Variants in MGLL observed in about 807,000 individuals in gnomAD.
MGLL encodes the protein lysophospholipase homolog.
A neutral mutation model predicts 29.1 loss-of-function variants in MGLL; 7 were observed. The ratio of observed to expected loss-of-function variants is 0.24; its 90% CI spans 0.14 to 0.45. MGLL has a LOEUF of 0.45. Ranked by LOEUF, MGLL falls within the 20% of genes least tolerant of loss-of-function variation. The pLI, the probability that MGLL is intolerant of heterozygous loss-of-function variation, is 0.99. For synonymous variants in MGLL, 148 were observed against 168.3 expected, an observed-to-expected ratio of 0.88 and a Z score of 0.93; for missense variants, 356 against 413.6, an observed-to-expected ratio of 0.86 and a Z score of 1.21.
At chr3:127,797,899 A>G (rs909369173) in intron 2 of MGLL, among the ~76,000 whole-genome samples, 1 of 152,146 alleles carries the variant, frequency 6.6e-6, no homozygotes, top group Non-Finnish European at 1.5e-5. Flanking sequence ...TGGGCCCACC[A>G]TACCTGGCCC....
At chr3:127,699,448 T>C (rs1318535766) in intron 6 of MGLL, among the ~76,000 whole-genome samples, 3 of 152,214 alleles carry the variant, frequency 2.0e-5, no homozygotes, top group Non-Finnish European at 2.9e-5. Flanking sequence ...GACTCTTTAC[T>C]AGGTGCTGTA....
At chr3:127,742,062 A>T (rs1446877841) in intron 3 of MGLL, among the ~76,000 whole-genome samples, 1 of 152,218 alleles carries the variant, frequency 6.6e-6, no homozygotes, top group African/African-American at 2.4e-5. Context: ...AGATAAACTT[A>T]CCAAAATGGG....
At position 127,821,793 on chromosome 3, in the gene MGLL, C is replaced by T. The variant is rs750570429; in HGVS notation, c.56G>A (p.Arg19Gln). 1 of 1,614,048 alleles carries T rather than the reference C, an allele frequency of 6.2e-7. No individual in the cohort carries two copies. Among genetic ancestry groups the T allele is most frequent in the Non-Finnish European group, 8.5e-7 (1 of 1,179,972 alleles). Residue 19 changes from arginine to glutamine, a missense_variant, in exon 2 of 8, where the codon CGG becomes CAG. By Grantham distance (43) the Arg-to-Gln change is conservative. Transcript: ENST00000265052. ...SSMPEESSPR[R>Q]TPQSIPYQDL... ...CTGGTAGGGAATGCTCTGCGGGGTC[C>T]GCCTGGGGGAACTTTCCTCTGGCAT...
intron 1 of MGLL, 178 bp downstream of exon 1, chr3:127,822,131 C>A (rs2107766910): frequency 1.4e-6 from 1 of 729,174 alleles, no homozygotes; most frequent in East Asian, 2.8e-5. Context: ...ATCTTAAAGA[C>A]TATTTTAGCT....
At chr3:127,769,076 G>A (rs1293625145) in intron 3 of MGLL, among the ~76,000 whole-genome samples, 1 of 152,226 alleles carries the variant, frequency 6.6e-6, no homozygotes, top group African/African-American at 2.4e-5. Context: ...GTCAGGCCAG[G>A]AGCGGTGGCT....
chr3:127,806,792 C>T (rs980045175), intron 2 of MGLL, among the ~76,000 whole-genome samples: 2 of 151,986 alleles, frequency 1.3e-5, no homozygotes, highest in Admixed American at 6.6e-5. Flanking sequence ...TTTGGGAGGC[C>T]GAGGCGGGTG....
intron 2 of MGLL, among the ~76,000 whole-genome samples, chr3:127,818,927 A>C (rs372213725): frequency 9.2e-5 from 14 of 152,214 alleles, no homozygotes; most frequent in African/African-American, 3.1e-4. Flanking sequence ...GCCATGCCTT[A>C]AGTATAAGAT....
At chr3:127,762,313 G>C (rs2076779601) in intron 3 of MGLL, among the ~76,000 whole-genome samples, 1 of 152,056 alleles carries the variant, frequency 6.6e-6, no homozygotes, top group Non-Finnish European at 1.5e-5. Context: ...TTAGTTCTTG[G>C]TGGGCCAGCC....
intron 5 of MGLL, 31 bp from the exon 6 acceptor site, chr3:127,710,696 G>A (rs1307400618): frequency 1.3e-6 from 2 of 1,512,506 alleles, no homozygotes; most frequent in Non-Finnish European, 1.8e-6. Context: ...AGGGCTGTGA[G>A]CACAAGTGGC....
intron 3 of MGLL, among the ~76,000 whole-genome samples, chr3:127,734,638 G>A (rs1436969360): frequency 6.6e-6 from 1 of 152,152 alleles, no homozygotes; most frequent in Non-Finnish European, 1.5e-5. Flanking sequence ...GAACACATTT[G>A]AAAAAGGGCT....
intron 2 of MGLL, among the ~76,000 whole-genome samples, chr3:127,819,718 T>A (rs1237732930): frequency 6.6e-6 from 1 of 152,074 alleles, no homozygotes; most frequent in Non-Finnish European, 1.5e-5. Flanking sequence ...TAATACTTAT[T>A]ATAATGATGC....
chr3:127,692,422 G>T, intron 7 of MGLL, 99 bp from the exon 8 acceptor site: 1 of 1,485,910 alleles, frequency 6.7e-7, no homozygotes, highest in Non-Finnish European at 9.3e-7. Context: ...AGCATTCTCC[G>T]GACCCTCTCC....
rs867147080 is a variant in MGLL at position 127,781,779 on chromosome 3, G to C, written c.262+10C>G. On this transcript the variant is annotated intron_variant, in intron 3 of 7. Transcript: ENST00000265052. ...CCCAGCCAGCTCTGACGGCACCCTG[G>C]GACACTCACCATGGTCGTGGGCGAA... 5 of 1,613,592 alleles carry C rather than the reference G, an allele frequency of 3.1e-6. No individual in the cohort carries two copies. Among genetic ancestry groups the C allele is most frequent in the Non-Finnish European group, 4.2e-6 (5 of 1,179,582 alleles).
intron 3 of MGLL, among the ~76,000 whole-genome samples, chr3:127,755,632 G>A (rs571778051): frequency 3.3e-5 from 5 of 152,318 alleles, no homozygotes; most frequent in South Asian, 2.1e-4. Flanking sequence ...GCCCCACTGC[G>A]GGCCCCAGAG....
chr3:127,732,304 GT>G (rs1426715318), intron 3 of MGLL, among the ~76,000 whole-genome samples: 1 of 152,222 alleles, frequency 6.6e-6, no homozygotes, highest in Non-Finnish European at 1.5e-5. Context: ...CCACAAGCTT[GT>G]GAGGTAGGGA....
At chr3:127,765,418 C>T (rs2076839391) in intron 3 of MGLL, among the ~76,000 whole-genome samples, 1 of 152,218 alleles carries the variant, frequency 6.6e-6, no homozygotes, top group African/African-American at 2.4e-5. Context: ...GGCCGCTGGG[C>T]ACTAGAATGA....
intron 2 of MGLL, among the ~76,000 whole-genome samples, chr3:127,797,532 A>G (rs2077404296): frequency 6.6e-6 from 1 of 152,232 alleles, no homozygotes; most frequent in Non-Finnish European, 1.5e-5. Context: ...TATATGCCTA[A>G]GACATATAAT....
intron 3 of MGLL, among the ~76,000 whole-genome samples, chr3:127,773,149 T>C (rs146028576): frequency 1.3e-5 from 2 of 152,348 alleles, no homozygotes; most frequent in African/African-American, 4.8e-5. Context: ...AAGCCCCTTA[T>C]AAACTGTGAG....
In MGLL at chr3:127,790,758, C is replaced by G. The variant is rs138821193; in HGVS notation, c.156-8863G>C. 3.0e-4 allele frequency among the ~76,000 whole-genome samples: 46 copies of G among 152,172 alleles called. 1 individual carries two copies. Among genetic ancestry groups the G allele is most frequent in the Admixed American group, 1.3e-4 (2 of 15,282 alleles). On this transcript the variant is annotated intron_variant, in intron 2 of 7. Transcript: ENST00000265052. ...AGCCTGACTCCAGCCTGCCCCGCAGCCTCTTGCCTCCCCCACACCAGAATG... is the reference window on the plus strand; with the variant it reads ...AGCCTGACTCCAGCCTGCCCCGCAGGCTCTTGCCTCCCCCACACCAGAATG...
Sources: gnomAD v4.1 joint callset for allele counts (sites outside exome capture counted in the v4.1 genomes callset) on GRCh38, gnomAD v4.1.1 for gene constraint, MANE v1.5 for transcripts, NCBI Gene and HGNC (gene_info 2026-07-23, HGNC 2026-07-21) for gene names.